Variants in TENM3 observed in about 807,000 individuals in gnomAD.
TENM3 encodes teneurin-3.
TENM3 carries 63 observed loss-of-function variants against 255.1 expected under a neutral mutation model. The observed-to-expected ratio is 0.25, with a 90% CI of 0.20 to 0.30. The LOEUF (loss-of-function observed/expected upper bound fraction) is 0.30, where lower values mean the gene tolerates loss of function less well. Among genes scored for constraint, TENM3 ranks in the 10% least tolerant of loss-of-function variants. The pLI is 1.00. For synonymous variants in TENM3, 1,306 were observed against 1,322.3 expected (o/e 0.99, Z 0.27); for missense variants, 2,929 against 3,461.1 (o/e 0.85, Z 3.86).
intron 3 of TENM3, among the ~76,000 whole-genome samples, chr4:182,390,804 C>T (rs1768374412): frequency 6.6e-6 from 1 of 152,174 alleles, no homozygotes; most frequent in Admixed American, 6.5e-5. Flanking sequence ...ATGGATATTG[C>T]TTCTGCCTTC....
the TENM3 span, among the ~76,000 whole-genome samples, chr4:181,539,074 A>G: frequency 6.6e-6 from 1 of 152,276 alleles, no homozygotes; most frequent in East Asian, 1.9e-4. Context: ...TGTATTTTTC[A>G]CACTCATCCA....
At chr4:181,526,004 C>T in the TENM3 span, among the ~76,000 whole-genome samples, 3 of 152,174 alleles carry the variant, frequency 2.0e-5, no homozygotes, top group Non-Finnish European at 4.4e-5. Flanking sequence ...TTGAGAGAAG[C>T]ACGTTTTCTA....
the TENM3 span, among the ~76,000 whole-genome samples, chr4:181,776,508 T>C: frequency 5.3e-5 from 8 of 152,176 alleles, no homozygotes; most frequent in African/African-American, 1.9e-4. Context: ...TTTTCCATAA[T>C]GGCTGTACTC....
At chr4:182,536,181 T>G (rs1008267788) in intron 3 of TENM3, among the ~76,000 whole-genome samples, 3 of 152,252 alleles carry the variant, frequency 2.0e-5, no homozygotes, top group African/African-American at 7.2e-5. Context: ...TAGCAAGTCT[T>G]TCTTCTTCAT....
At chr4:181,817,579 A>C in the TENM3 span, among the ~76,000 whole-genome samples, 6 of 152,182 alleles carry the variant, frequency 3.9e-5, no homozygotes, top group Non-Finnish European at 8.8e-5. Context: ...CTTAATCCTC[A>C]ATGTAACAGT....
At chr4:181,645,571 G>T in the TENM3 span, among the ~76,000 whole-genome samples, 1 of 152,110 alleles carries the variant, frequency 6.6e-6, no homozygotes, top group Non-Finnish European at 1.5e-5. Flanking sequence ...TATTGTTGAA[G>T]GTGAAATGCT....
chr4:182,100,566 CATAT>C, the TENM3 span, among the ~76,000 whole-genome samples: 5 of 114,604 alleles, frequency 4.4e-5, no homozygotes, highest in East Asian at 1.2e-3. Context: ...TATATACACA[CATAT>C]ATATACACAT....
the TENM3 span, among the ~76,000 whole-genome samples, chr4:181,454,123 C>T: frequency 3.3e-5 from 5 of 152,084 alleles, no homozygotes; most frequent in Non-Finnish European, 7.4e-5. Context: ...GCATAATTAT[C>T]ATTATTAATG....
At chr4:182,614,888 T>C (rs373147149) in intron 4 of TENM3, among the ~76,000 whole-genome samples, 5 of 151,952 alleles carry the variant, frequency 3.3e-5, no homozygotes, top group African/African-American at 1.2e-4. Context: ...GTTTCATAGA[T>C]CCGAAGCTAC....
At chr4:182,066,690 C>G in the TENM3 span, among the ~76,000 whole-genome samples, 1 of 151,414 alleles carries the variant, frequency 6.6e-6, no homozygotes, top group African/African-American at 2.4e-5. Flanking sequence ...GCGGGCGGAT[C>G]ACAAGGTCAG....
At chr4:181,546,350 T>A in the TENM3 span, among the ~76,000 whole-genome samples, 1 of 152,188 alleles carries the variant, frequency 6.6e-6, no homozygotes, top group Non-Finnish European at 1.5e-5. Context: ...AAATTAGCAT[T>A]CTTCTGATTA....
chr4:181,757,750 C>T, the TENM3 span, among the ~76,000 whole-genome samples: 2 of 152,132 alleles, frequency 1.3e-5, no homozygotes, highest in African/African-American at 4.8e-5. Flanking sequence ...CAAAATAATT[C>T]ATGAGACCGA....
chr4:181,863,612 G>A, the TENM3 span, among the ~76,000 whole-genome samples: 1 of 152,040 alleles, frequency 6.6e-6, no homozygotes, highest in Admixed American at 6.6e-5. Flanking sequence ...TCGTCCTTGG[G>A]TACCCAGTTC....
chr4:182,690,376 C>CT (rs1756920830), intron 12 of TENM3, among the ~76,000 whole-genome samples: 2 of 152,300 alleles, frequency 1.3e-5, no homozygotes, highest in Middle Eastern at 6.8e-3. Context: ...ATTTGTGTAT[C>CT]TTTTTGTGGC....
At chr4:182,483,070 C>T (rs978345885) in intron 3 of TENM3, among the ~76,000 whole-genome samples, 27 of 115,276 alleles carry the variant, frequency 2.3e-4, no homozygotes, top group African/African-American at 6.2e-4. Context: ...TTTTTCTTTA[C>T]GGAGCATATC....
the TENM3 span, among the ~76,000 whole-genome samples, chr4:182,027,943 G>A: frequency 6.6e-6 from 1 of 151,882 alleles, no homozygotes; most frequent in Non-Finnish European, 1.5e-5. Flanking sequence ...TGTTTGATGT[G>A]GTTTTGTCTT....
At chr4:182,264,438 A>G (rs768271159) in intron 1 of TENM3, among the ~76,000 whole-genome samples, 3 of 152,364 alleles carry the variant, frequency 2.0e-5, no homozygotes, top group Admixed American at 6.5e-5. Context: ...TCCAGGGAAC[A>G]GGAATTTGAG....
At chr4:182,330,407 T>A (rs1215674541) in intron 2 of TENM3, among the ~76,000 whole-genome samples, 2 of 152,204 alleles carry the variant, frequency 1.3e-5, no homozygotes, top group Non-Finnish European at 2.9e-5. Flanking sequence ...CTTCTCTGTG[T>A]CCTTGTGTCT....
At chr4:182,187,671 A>C (rs898415510) in intron 1 of TENM3, among the ~76,000 whole-genome samples, 4 of 152,186 alleles carry the variant, frequency 2.6e-5, no homozygotes, top group African/African-American at 9.7e-5. Flanking sequence ...TTAGGAAAAA[A>C]TGAGGAAGAA....
Sources: allele counts gnomAD v4.1 joint callset (sites outside exome capture counted in the v4.1 genomes callset), GRCh38; gene constraint gnomAD v4.1.1; transcripts MANE v1.5; gene names NCBI Gene and HGNC (gene_info 2026-07-23, HGNC 2026-07-21).